The following SAFB variants were observed in gnomAD, a reference collection of about 807,000 sequenced individuals.
SAFB encodes the protein scaffold attachment factor B1.
SAFB carries 15 observed loss-of-function variants against 101.6 expected under a neutral mutation model. That is an observed-to-expected ratio of 0.15 (90% confidence interval 0.10 to 0.23). The LOEUF (loss-of-function observed/expected upper bound fraction) is 0.23, where lower values mean the gene tolerates loss of function less well. Among genes scored for constraint, SAFB ranks in the 10% least tolerant of loss-of-function variants. The pLI is 1.00. For synonymous variants in SAFB, 449 were observed against 407.5 expected, an observed-to-expected ratio of 1.10 and a Z score of -1.23; for missense variants, 930 against 1,104.1, an observed-to-expected ratio of 0.84 and a Z score of 2.23.
Position 5,667,893 on chromosome 19 carries a change from C to T in SAFB, c.2624+7C>T. ...ACCGAGGAGGAATGTCAGGGTAAGG[C>T]ATGCTGGGGGCGGCGCCCCTTCCCC... On this transcript the variant is annotated splice_region_variant and intron_variant, in intron 20 of 20. Coordinates refer to ENST00000588852, the MANE Select transcript of SAFB (RefSeq NM_001201338.2). The surrounding 1 kb of genome is among the most constrained non-coding windows in gnomAD (Gnocchi z 4.0). 6.3e-7 allele frequency: 1 copy of T among 1,598,816 alleles called. No individual in the cohort carries two copies.
Position 5,657,232 on chromosome 19 carries a change from G to A in SAFB, c.1756-9G>A, listed in dbSNP as rs371036865. 254 of 1,610,796 alleles carry A rather than the reference G, an allele frequency of 1.6e-4. No individual in the cohort carries two copies. Among genetic ancestry groups the A allele is most frequent in the Non-Finnish European group, 2.1e-4 (246 of 1,177,462 alleles). ...TGCTTTAACTTTTTAATGTTCTTTG[G>A]TGAACTAGGCTTCCAAAAGCCAGGA... On this transcript the variant is annotated splice_polypyrimidine_tract_variant and intron_variant, in intron 13 of 20. Coordinates refer to ENST00000588852, the MANE Select transcript of SAFB (RefSeq NM_001201338.2).
At chr19:5,644,442 C>T (rs2053784259) in intron 4 of SAFB, among the ~76,000 whole-genome samples, 1 of 152,182 alleles carries the variant, frequency 6.6e-6, no homozygotes, top group African/African-American at 2.4e-5. Flanking sequence ...TGTGCTGCCC[C>T]TGGTGCAGAT....
intron 2 of SAFB, among the ~76,000 whole-genome samples, chr19:5,634,046 A>G (rs992807364): frequency 6.6e-6 from 1 of 152,154 alleles, no homozygotes; most frequent in Non-Finnish European, 1.5e-5. Context: ...CAGTTATATC[A>G]TTAGTGAATC....
At chr19:5,663,242 C>G (rs2054255181) in intron 15 of SAFB, among the ~76,000 whole-genome samples, 1 of 152,144 alleles carries the variant, frequency 6.6e-6, no homozygotes, top group Non-Finnish European at 1.5e-5. Context: ...CTCAGGTGAT[C>G]CACCCACCTT....
At chr19:5,642,856 C>G (rs536200985) in intron 4 of SAFB, among the ~76,000 whole-genome samples, 1 of 151,780 alleles carries the variant, frequency 6.6e-6, no homozygotes, top group Non-Finnish European at 1.5e-5. Context: ...TTAGTAGAGA[C>G]GGTTTTCACC....
chr19:5,633,154 T>C (rs1488413496), intron 2 of SAFB, among the ~76,000 whole-genome samples: 2 of 152,236 alleles, frequency 1.3e-5, no homozygotes, highest in Non-Finnish European at 2.9e-5. Flanking sequence ...TGGTGATTTT[T>C]TAATTTTGTT....
intron 6 of SAFB, chr19:5,648,302 A>G (rs2053867148): frequency 2.0e-6 from 1 of 500,336 alleles, no homozygotes; most frequent in East Asian, 3.5e-5. Context: ...GAATATCAAC[A>G]GCATTGAATC....
At chr19:5,624,726 C>T (rs2145384507) in intron 1 of SAFB, among the ~76,000 whole-genome samples, 1 of 144,890 alleles carries the variant, frequency 6.9e-6, no homozygotes, top group African/African-American at 2.6e-5. Flanking sequence ...AAACCCTGGG[C>T]TCAAGGGTGG....
intron 2 of SAFB, among the ~76,000 whole-genome samples, chr19:5,629,026 G>T (rs1419391525): frequency 6.6e-6 from 1 of 152,110 alleles, no homozygotes; most frequent in Non-Finnish European, 1.5e-5. Context: ...TGAACTCCTG[G>T]CCTCAAGCAG....
intron 2 of SAFB, among the ~76,000 whole-genome samples, chr19:5,630,099 G>C (rs73920033): frequency 6.6e-6 from 1 of 152,124 alleles, no homozygotes; most frequent in Non-Finnish European, 1.5e-5. Context: ...AATGGGTGAC[G>C]GTGCCTATTT....
At chr19:5,661,865 C>T (rs1055667705) in intron 15 of SAFB, 57 bp downstream of exon 15, 17 of 1,188,818 alleles carry the variant, frequency 1.4e-5, no homozygotes, top group South Asian at 4.6e-5. Flanking sequence ...TTAGGGACCT[C>T]ACAGTCCAGT....
intron 11 of SAFB, among the ~76,000 whole-genome samples, 199 bp from the exon 12 acceptor site, chr19:5,653,862 A>G (rs138431685): frequency 1.3e-3 from 195 of 151,616 alleles, no homozygotes; most frequent in African/African-American, 4.6e-3. Flanking sequence ...GGCTCAACCA[A>G]TTCTCATGCC....
In SAFB at chr19:5,623,124, A is replaced by T. The variant is rs1032751082; in HGVS notation, c.-82A>T. 17 of 1,385,668 alleles carry T rather than the reference A, an allele frequency of 1.2e-5. No homozygotes were observed. Among genetic ancestry groups the T allele is most frequent in the Non-Finnish European group, 1.7e-5 (17 of 1,011,614 alleles). The allele number at this position is 1,385,668 out of a possible 1,614,324, so 85.8% of individuals were successfully genotyped here. A position where few individuals can be genotyped will look rare whatever the true frequency, so the allele number is the denominator to read the frequency against. On this transcript the variant is annotated 5_prime_UTR_variant, in exon 1 of 21. Transcript: ENST00000588852. ...GGGGCGACTGGAGCGGTTCCCTCGC[A>T]GGCGGCGCCATTTTGTGCTAGGAGC... is the stretch of plus-strand genomic sequence containing the variant.
At chr19:5,644,318 C>G (rs1043374564) in intron 4 of SAFB, among the ~76,000 whole-genome samples, 1 of 152,132 alleles carries the variant, frequency 6.6e-6, no homozygotes, top group African/African-American at 2.4e-5. Context: ...ATGAAATGTA[C>G]CACCACGAAT....
In SAFB at chr19:5,667,550, C is replaced by T. The variant is rs948759262; in HGVS notation, c.2557+100C>T. The T allele has an allele frequency of 1.8e-5, 15 of 853,138 alleles. No individual in the cohort carries two copies. Among genetic ancestry groups the T allele is most frequent in the Non-Finnish European group, 2.6e-5 (14 of 541,910 alleles). 52.8% of individuals were successfully genotyped at this position (853,138 alleles called of 1,614,324 possible). A position where few individuals can be genotyped will look rare whatever the true frequency, so the allele number is the denominator to read the frequency against. On this transcript the variant is annotated intron_variant, in intron 19 of 20. Transcript: ENST00000588852. The surrounding 1 kb of genome is among the most constrained non-coding windows in gnomAD (Gnocchi z 4.0). Reference sequence around the variant, plus strand: ...TTGGGGGAGCACAGGAGGTGCTCTGCTCTCAGTGCTGGAATGAGGAATGAA... The same window carrying T: ...TTGGGGGAGCACAGGAGGTGCTCTGTTCTCAGTGCTGGAATGAGGAATGAA...
chr19:5,665,606 A>T (rs1345047118), intron 17 of SAFB: 1 of 151,952 alleles, frequency 6.6e-6, no homozygotes, highest in African/African-American at 2.4e-5. Flanking sequence ...AAGTGCTAGG[A>T]TTACAGATGT....
At chr19:5,634,497 T>TA (rs1312964780) in intron 2 of SAFB, among the ~76,000 whole-genome samples, 5 of 151,940 alleles carry the variant, frequency 3.3e-5, no homozygotes, top group African/African-American at 1.2e-4. Context: ...AATATAGTAA[T>TA]AAGAAAGACC....
intron 6 of SAFB, chr19:5,648,446 G>C: frequency 3.5e-6 from 1 of 285,566 alleles, no homozygotes; most frequent in Non-Finnish European, 6.6e-6. Flanking sequence ...GTGGTAGGGA[G>C]ATACATTTTA....
chr19:5,644,693 G>C (rs1294720618), intron 4 of SAFB, among the ~76,000 whole-genome samples: 1 of 152,212 alleles, frequency 6.6e-6, no homozygotes, highest in East Asian at 1.9e-4. Context: ...GGGCTTTAGA[G>C]CAGATGGCCA....
Sources: allele counts gnomAD v4.1 joint callset (sites outside exome capture counted in the v4.1 genomes callset), GRCh38; gene constraint gnomAD v4.1.1; non-coding constraint Gnocchi (gnomAD v3.1); transcripts MANE v1.5; gene names NCBI Gene and HGNC (gene_info 2026-07-23, HGNC 2026-07-21).